The following NTNG1 variants were observed in gnomAD, a reference collection of about 807,000 sequenced individuals.
The protein encoded by NTNG1 is netrin G1.
A neutral mutation model predicts 54.0 loss-of-function variants in NTNG1; 16 were observed. The ratio of observed to expected loss-of-function variants is 0.30; its 90% CI spans 0.20 to 0.45. The LOEUF is 0.45. Ranked by LOEUF, NTNG1 falls within the 20% of genes least tolerant of loss-of-function variation. The probability of loss-of-function intolerance (pLI) is 1.00; values close to 1 mark genes in which losing one functional copy is unlikely to be tolerated. For synonymous variants in NTNG1, 255 were observed against 263.1 expected (o/e 0.97, Z 0.30); for missense variants, 530 against 678.7 (o/e 0.78, Z 2.43).
intron 6 of NTNG1, among the ~76,000 whole-genome samples, chr1:107,434,102 C>T (rs1003252194): frequency 6.6e-6 from 1 of 152,128 alleles, no homozygotes; most frequent in African/African-American, 2.4e-5. Context: ...ATCTAAGTCT[C>T]ATCTACATTA....
intron 2 of NTNG1, among the ~76,000 whole-genome samples, chr1:107,243,498 C>T (rs1409870413): frequency 6.6e-6 from 1 of 152,212 alleles, no homozygotes; most frequent in African/African-American, 2.4e-5. Context: ...TGTACCTACA[C>T]ATAGAATATA....
intron 2 of NTNG1, among the ~76,000 whole-genome samples, chr1:107,238,254 C>T (rs1661552359): frequency 6.6e-6 from 1 of 152,106 alleles, no homozygotes; most frequent in Admixed American, 6.5e-5. Context: ...GGTCTATAGC[C>T]CCTTTGTTTT....
intron 4 of NTNG1, among the ~76,000 whole-genome samples, chr1:107,395,854 C>T (rs1672650510): frequency 1.3e-5 from 2 of 152,146 alleles, no homozygotes; most frequent in Admixed American, 1.3e-4. Context: ...TGAAACATAC[C>T]TGCTTTGGAT....
At chr1:107,332,171 T>G (rs1322655074) in intron 3 of NTNG1, among the ~76,000 whole-genome samples, 1 of 152,120 alleles carries the variant, frequency 6.6e-6, no homozygotes, top group Non-Finnish European at 1.5e-5. Context: ...CAGCTCATTT[T>G]CCTCTGAGGT....
chr1:107,418,410 A>G (rs1674354304), intron 5 of NTNG1, among the ~76,000 whole-genome samples: 1 of 152,052 alleles, frequency 6.6e-6, no homozygotes, highest in South Asian at 2.1e-4. Context: ...TTTGGGAATC[A>G]TCAATTGCTT....
chr1:107,330,367 T>C (rs941100311), intron 3 of NTNG1, among the ~76,000 whole-genome samples: 1 of 152,150 alleles, frequency 6.6e-6, no homozygotes, highest in African/African-American at 2.4e-5. Flanking sequence ...GGTGTAACTG[T>C]GCAGACTGGA....
intron 7 of NTNG1, among the ~76,000 whole-genome samples, chr1:107,440,775 A>G (rs1352940105): frequency 6.6e-6 from 1 of 152,078 alleles, no homozygotes; most frequent in Non-Finnish European, 1.5e-5. Flanking sequence ...ATGGGGTTTG[A>G]GCTGGGGACA....
In NTNG1 at chr1:107,483,051, C is replaced by T. The variant is rs1458380590; in HGVS notation, c.*2211C>T. The stretch of plus-strand genomic sequence containing the variant: ...AATAGAAAATTATATTTCAGGCTCA[C>T]CAAAGAAACACATGAAAATGCTGAT... On this transcript the variant is annotated 3_prime_UTR_variant, in exon 8 of 8. Transcript: ENST00000370068. 24 of 152,094 alleles carry T rather than the reference C, an allele frequency of 1.6e-4. No homozygotes were observed. Among genetic ancestry groups the T allele is most frequent in the Admixed American group, 1.6e-3 (24 of 15,280 alleles). 9.4% of individuals were successfully genotyped at this position (152,094 alleles called of 1,614,324 possible). A position where few individuals can be genotyped will look rare whatever the true frequency, so the allele number is the denominator to read the frequency against.
chr1:107,250,085 A>T (rs1377560683), intron 2 of NTNG1, among the ~76,000 whole-genome samples: 3 of 152,192 alleles, frequency 2.0e-5, no homozygotes, highest in Non-Finnish European at 4.4e-5. Context: ...ACAGTCTTTG[A>T]TGAAGCCTTC....
intron 2 of NTNG1, among the ~76,000 whole-genome samples, chr1:107,275,207 T>C (rs909234633): frequency 4.6e-5 from 7 of 151,992 alleles, no homozygotes; most frequent in Non-Finnish European, 7.4e-5. Context: ...TGAAACCCTG[T>C]CTCTACTAAA....
chr1:107,329,996 G>A (rs1038590224), intron 3 of NTNG1, among the ~76,000 whole-genome samples: 2 of 152,040 alleles, frequency 1.3e-5, no homozygotes, highest in Admixed American at 6.6e-5. Flanking sequence ...AATGTAATCT[G>A]GAAAGATTAG....
chr1:107,144,463 A>G (rs777719522), intron 1 of NTNG1, among the ~76,000 whole-genome samples: 3 of 152,112 alleles, frequency 2.0e-5, no homozygotes, highest in Non-Finnish European at 4.4e-5. Context: ...AAAACCAGCT[A>G]GATTAGGAGA....
intron 7 of NTNG1, among the ~76,000 whole-genome samples, chr1:107,474,242 A>G (rs2101594973): frequency 6.6e-6 from 1 of 152,300 alleles, no homozygotes; most frequent in South Asian, 2.1e-4. Flanking sequence ...ATAAAGAGAG[A>G]GTTGGGACAT....
intron 2 of NTNG1, among the ~76,000 whole-genome samples, chr1:107,191,020 T>C (rs1358964876): frequency 3.3e-5 from 5 of 152,210 alleles, no homozygotes; most frequent in African/African-American, 4.8e-5. Context: ...CCACAATGGT[T>C]GAACTAGTTT....
At chr1:107,373,422 T>C (rs1346537628) in intron 3 of NTNG1, among the ~76,000 whole-genome samples, 1 of 152,132 alleles carries the variant, frequency 6.6e-6, no homozygotes, top group African/African-American at 2.4e-5. Flanking sequence ...CAGATATATA[T>C]ATATCTAATA....
chr1:107,271,555 G>A (rs1236058295), intron 2 of NTNG1, among the ~76,000 whole-genome samples: 3 of 152,062 alleles, frequency 2.0e-5, no homozygotes, highest in South Asian at 2.1e-4. Context: ...CCAGACCAGC[G>A]AAGAATAAGA....
chr1:107,421,884 G>T (rs1039538944), intron 5 of NTNG1, among the ~76,000 whole-genome samples: 1 of 151,888 alleles, frequency 6.6e-6, no homozygotes, highest in East Asian at 1.9e-4. Context: ...TTTTAGTTTT[G>T]TTTTTTGTTT....
chr1:107,421,049 T>G, intron 5 of NTNG1: 2 of 1,488,964 alleles, frequency 1.3e-6, no homozygotes, highest in East Asian at 4.6e-5. Flanking sequence ...CACTATTGTT[T>G]CTAATTTACT....
At chr1:107,423,517 G>T in intron 5 of NTNG1, among the ~76,000 whole-genome samples, 1 of 152,036 alleles carries the variant, frequency 6.6e-6, no homozygotes, top group Non-Finnish European at 1.5e-5. Context: ...TTGTCTTCTG[G>T]TACATGATGG....
Sources: gnomAD v4.1 joint callset for allele counts (sites outside exome capture counted in the v4.1 genomes callset) on GRCh38, gnomAD v4.1.1 for gene constraint, MANE v1.5 for transcripts, NCBI Gene and HGNC (gene_info 2026-07-23, HGNC 2026-07-21) for gene names.